The following PDLIM5 variants were observed in gnomAD, a reference collection of about 807,000 sequenced individuals.
PDLIM5 encodes PDZ and LIM domain 5.
Under a neutral mutation model 64.2 loss-of-function variants are expected in PDLIM5, and 34 were observed. That is an observed-to-expected ratio of 0.53 (90% CI 0.40 to 0.71). The LOEUF is 0.71. Ranked by LOEUF, PDLIM5 falls within the 30% of genes least tolerant of loss-of-function variation. The probability of loss-of-function intolerance (pLI) is 0.00; values close to 1 mark genes in which losing one functional copy is unlikely to be tolerated. For synonymous variants in PDLIM5, 253 were observed against 269.1 expected (o/e 0.94, Z 0.59); for missense variants, 683 against 733.6 (o/e 0.93, Z 0.80).
chr4:94,530,510 AATATATATATATATATATATAT>A (rs36209951), intron 3 of PDLIM5, among the ~76,000 whole-genome samples: 15 of 140,592 alleles, frequency 1.1e-4, no homozygotes, highest in African/African-American at 2.6e-4. Flanking sequence ...GGAATCACAG[AATATATATATATATATATATAT>A]ATATATATAT....
intron 3 of PDLIM5, among the ~76,000 whole-genome samples, chr4:94,528,682 A>G (rs912041090): frequency 8.5e-5 from 13 of 152,180 alleles, no homozygotes; most frequent in Non-Finnish European, 1.5e-5. Context: ...GAACAAACCA[A>G]ACAAAAATCT....
chr4:94,625,319 A>G (rs971898855), intron 8 of PDLIM5, among the ~76,000 whole-genome samples: 26 of 152,212 alleles, frequency 1.7e-4, no homozygotes, highest in African/African-American at 6.0e-4. Context: ...GTTGACAAGA[A>G]ATTAGTGGAT....
chr4:94,455,409 T>G, intron 2 of PDLIM5, 25 bp downstream of exon 2: 1 of 1,418,250 alleles, frequency 7.1e-7, no homozygotes, highest in Non-Finnish European at 1.0e-6. Flanking sequence ...CAAATTTTAT[T>G]ATAGATGTTC....
Position 94,665,353 on chromosome 4 carries a change from G to A in PDLIM5, c.*1286G>A, listed in dbSNP as rs765174688. On this transcript the variant is annotated 3_prime_UTR_variant, in exon 13 of 13. Coordinates refer to ENST00000317968, the MANE Select transcript of PDLIM5 (RefSeq NM_006457.5). ...AAAAATGAGCTGGGCATGGTGGGGC[G>A]TGCCTGTAGTCCCATGTACTTGGGA... is the stretch of plus-strand genomic sequence containing the variant. The A allele has an allele frequency of 9.9e-5, 23 of 232,982 alleles. No homozygotes were observed. Among genetic ancestry groups the A allele is most frequent in the African/African-American group, 2.6e-4 (11 of 42,730 alleles). 14.4% of individuals were successfully genotyped at this position (232,982 alleles called of 1,614,324 possible).
chr4:94,567,314 C>T (rs1734429532), intron 3 of PDLIM5, among the ~76,000 whole-genome samples: 1 of 152,156 alleles, frequency 6.6e-6, no homozygotes, highest in South Asian at 2.1e-4. Context: ...AATGTAGACT[C>T]TTAATTTTTC....
intron 8 of PDLIM5, among the ~76,000 whole-genome samples, chr4:94,626,996 C>T (rs183424040): frequency 1.2e-4 from 18 of 152,206 alleles, no homozygotes; most frequent in Non-Finnish European, 1.8e-4. Flanking sequence ...AGTAATAAAT[C>T]GAGATAACTA....
chr4:94,505,758 G>A (rs534428195), intron 2 of PDLIM5, among the ~76,000 whole-genome samples: 19 of 152,318 alleles, frequency 1.2e-4, no homozygotes, highest in Non-Finnish European at 2.5e-4. Flanking sequence ...AGGGCAGGGC[G>A]TATGAAAAGG....
chr4:94,545,176 A>G (rs1481544008), intron 3 of PDLIM5, among the ~76,000 whole-genome samples: 1 of 152,360 alleles, frequency 6.6e-6, no homozygotes, highest in East Asian at 1.9e-4. Context: ...AAATATTTTT[A>G]AAAATATAGT....
chr4:94,659,118 A>G (rs1422941858), intron 11 of PDLIM5, among the ~76,000 whole-genome samples: 2 of 152,168 alleles, frequency 1.3e-5, no homozygotes, highest in Admixed American at 6.5e-5. Context: ...GTCACATCTA[A>G]TCAACTTGGT....
intron 3 of PDLIM5, among the ~76,000 whole-genome samples, chr4:94,552,643 C>T (rs1483078914): frequency 6.6e-6 from 1 of 151,804 alleles, no homozygotes; most frequent in Non-Finnish European, 1.5e-5. Flanking sequence ...AAAGTCTACT[C>T]TCGGTAAAAT....
At position 94,628,688 on chromosome 4, in the gene PDLIM5, A is replaced by G. The variant is rs1486696506; in HGVS notation, c.1108+10497A>G. 1.3e-5 allele frequency among the ~76,000 whole-genome samples: 2 copies of G among 152,162 alleles called. 1 individual carries two copies. The highest frequency in any genetic ancestry group is 1.3e-4 in the Admixed American group (2 of 15,272). On this transcript the variant is annotated intron_variant, in intron 8 of 12. Transcript: ENST00000317968. Reference sequence around the variant, plus strand: ...TGGGAAAATGGTAAAAGCCAAACCCATGTAGCTTTCGTGTGACTTTGGAAG... The same window carrying G: ...TGGGAAAATGGTAAAAGCCAAACCCGTGTAGCTTTCGTGTGACTTTGGAAG...
rs558811495 is a variant in PDLIM5, at chr4:94,533,025, G to A, written c.248+9150G>A. The stretch of plus-strand genomic sequence containing the variant: ...CTCAAAAAAAGAAAATATGTTTTAG[G>A]GACTGTTTCGTCAACATCACGCACA... On this transcript the variant is annotated intron_variant, in intron 3 of 12. Transcript: ENST00000317968. Among the ~76,000 whole-genome samples, 25 of 152,132 alleles carry A rather than the reference G, an allele frequency of 1.6e-4. 1 individual carries two copies. In the South Asian group the frequency reaches 4.2e-3, roughly 25 times the overall value.
At chr4:94,538,890 A>T (rs1420944344) in intron 3 of PDLIM5, among the ~76,000 whole-genome samples, 1 of 152,216 alleles carries the variant, frequency 6.6e-6, no homozygotes, top group East Asian at 1.9e-4. Flanking sequence ...AAAAGTGTTG[A>T]TGTAATGACA....
chr4:94,577,746 A>T (rs548154340), intron 5 of PDLIM5, among the ~76,000 whole-genome samples: 56 of 152,246 alleles, frequency 3.7e-4, no homozygotes, highest in Non-Finnish European at 7.2e-4. Flanking sequence ...TTCAGTAGAA[A>T]AACATCCATT....
rs140033453 is a variant in PDLIM5, at chr4:94,474,333, C to T, written c.96+18949C>T. On this transcript the variant is annotated intron_variant, in intron 2 of 12. Coordinates refer to ENST00000317968, the MANE Select transcript of PDLIM5 (RefSeq NM_006457.5). ...TGGTGCGATCATGGCTCCGTGCTACCTCCGCCTCCTGGGTTCAAGTGATTC... is the reference window on the plus strand; with the variant it reads ...TGGTGCGATCATGGCTCCGTGCTACTTCCGCCTCCTGGGTTCAAGTGATTC... Among the ~76,000 whole-genome samples, 166 of 152,268 alleles carry T rather than the reference C, an allele frequency of 1.1e-3. 1 individual carries two copies. The East Asian group carries it at 0.022, about 20-fold the overall frequency.
chr4:94,544,315 T>A (rs1732115857), intron 3 of PDLIM5, among the ~76,000 whole-genome samples: 1 of 152,148 alleles, frequency 6.6e-6, no homozygotes, highest in South Asian at 2.1e-4. Context: ...TACATTCATA[T>A]GGTCTGGGTA....
At chr4:94,632,532 TG>T (rs1473033963) in intron 8 of PDLIM5, among the ~76,000 whole-genome samples, 1 of 152,134 alleles carries the variant, frequency 6.6e-6, no homozygotes, top group Non-Finnish European at 1.5e-5. Context: ...ATTACTGTGT[TG>T]GGAGATGTGT....
At chr4:94,662,572 T>A in intron 12 of PDLIM5, 35 bp downstream of exon 12, 2 of 931,526 alleles carry the variant, frequency 2.1e-6, no homozygotes, top group Non-Finnish European at 3.5e-6. Flanking sequence ...TAAAGGGGTA[T>A]AGTATGGCCA....
intron 2 of PDLIM5, among the ~76,000 whole-genome samples, chr4:94,523,254 A>G (rs2110133626): frequency 6.6e-6 from 1 of 152,358 alleles, no homozygotes; most frequent in East Asian, 1.9e-4. Context: ...CTCAACAGGA[A>G]GGATTGTTTA....
Sources: allele counts gnomAD v4.1 joint callset (sites outside exome capture counted in the v4.1 genomes callset), GRCh38; gene constraint gnomAD v4.1.1; transcripts MANE v1.5; gene names NCBI Gene and HGNC (gene_info 2026-07-23, HGNC 2026-07-21).